Variants in LTBP3 observed in about 807,000 individuals in gnomAD.
The protein encoded by LTBP3 is latent-transforming growth factor beta-binding protein 3.
A neutral mutation model predicts 159.7 loss-of-function variants in LTBP3; 97 were observed. The ratio of observed to expected loss-of-function variants is 0.61; its 90% CI spans 0.52 to 0.72. The LOEUF is 0.72. Ranked by LOEUF, LTBP3 falls within the 30% of genes least tolerant of loss-of-function variation. LTBP3 has a pLI of 0.00. For synonymous variants in LTBP3, 824 were observed against 777.1 expected (o/e 1.06, Z -1.00); for missense variants, 1,584 against 1,864.3 (o/e 0.85, Z 2.77).
rs777097028 is a variant in LTBP3, at chr11:65,539,548, C to T, written c.3628G>A (p.Asp1210Asn). 1.2e-6 allele frequency: 2 copies of T among 1,612,354 alleles called. No individual in the cohort carries two copies. The highest frequency in any genetic ancestry group is 3.3e-5 in the Admixed American group (2 of 59,914). The change falls in exon 26 of 28, where the codon GAT becomes AAT. Residue 1210 changes from aspartate to asparagine, a missense_variant and splice_region_variant. Asp to Asn is a conservative substitution (Grantham distance 23). Around this residue, in one of 6 missense-constraint regions of LTBP3, gnomAD observed 514 missense variants for 530.3 expected, o/e 0.97. Transcript: ENST00000301873. ...SPLLLGKPPR[D>N]EDSSEEDSDE... is the part of the protein sequence containing the mutation. ...CACCGCCCGACCCGGCAGCACTCAC[C>T]TCTTGGGGGCTTCCCCAACAGCAGG...
intron 11 of LTBP3, among the ~76,000 whole-genome samples, chr11:65,549,567 C>CTTTTTTTTTTTTTTTTTTTTTT (rs748132211): frequency 1.1e-4 from 7 of 64,744 alleles, no homozygotes; most frequent in Non-Finnish European, 1.6e-4. Flanking sequence ...CCCAGCTAAT[C>CTTTTTTTTTTTTTTTTTTTTTT]TTTTTTTTTT....
chr11:65,539,246 G>A lies in LTBP3; in HGVS notation c.3761-15C>T, dbSNP rs376049741. 995 of 1,524,632 alleles carry A rather than the reference G, an allele frequency of 6.5e-4. 5 individuals carry two copies. In the African/African-American group the frequency reaches 0.012, roughly 19 times the overall value. The allele number at this position is 1,524,632 out of a possible 1,614,324, so 94.4% of individuals were successfully genotyped here. A position where few individuals can be genotyped will look rare whatever the true frequency, so the allele number is the denominator to read the frequency against. ...CTCGTCGATATCTGAAGGTGAGGGC[G>A]ACAGGTGCGGCTTCGCTGAGCCTCC... On this transcript the variant is annotated splice_polypyrimidine_tract_variant and intron_variant, in intron 27 of 27. Coordinates refer to ENST00000301873, the MANE Select transcript of LTBP3 (RefSeq NM_001130144.3).
chr11:65,546,703 C>T lies in LTBP3; in HGVS notation c.2230+95G>A. ...CCCGGAAGGCCCCGCCCCCAGACGC[C>T]AATCACCACCGCTACCCCGCCCCGC... On this transcript the variant is annotated intron_variant, in intron 15 of 27. Coordinates refer to ENST00000301873, the MANE Select transcript of LTBP3 (RefSeq NM_001130144.3). This position sits in a 1 kb window ranked among gnomAD's most constrained non-coding sequence, Gnocchi z 4.0. 1 of 1,528,932 alleles carries T rather than the reference C, an allele frequency of 6.5e-7. No individual in the cohort carries two copies. The highest frequency in any genetic ancestry group is 8.8e-7 in the Non-Finnish European group (1 of 1,138,866). The allele number at this position is 1,528,932 out of a possible 1,614,324, so 94.7% of individuals were successfully genotyped here.
At chr11:65,548,257 G>A (rs891455813) in intron 11 of LTBP3, 75 of 689,086 alleles carry the variant, frequency 1.1e-4, no homozygotes, top group South Asian at 9.2e-4. Flanking sequence ...CCTGACAGCC[G>A]TATCACCCCA....
In LTBP3 at chr11:65,539,454, C is replaced by T; in HGVS notation, c.3634G>A (p.Asp1212Asn). 3 of 1,565,628 alleles carry T rather than the reference C, an allele frequency of 1.9e-6. No homozygotes were observed. Among genetic ancestry groups the T allele is most frequent in the Non-Finnish European group, 1.7e-6 (2 of 1,155,082 alleles). Residue 1212 changes from aspartate (D) to asparagine (N), a missense_variant, in exon 27 of 28, where the codon GAC (aspartate) becomes AAC (asparagine). By Grantham distance (23) the Asp-to-Asn change is conservative. Around this residue, in one of 6 missense-constraint regions of LTBP3, gnomAD observed 514 missense variants for 530.3 expected, o/e 0.97. Transcript: ENST00000301873. ...TCGTCTGAATCCTCCTCTGAACTGTCCTCATCTGCGTGGCCCGGAACAATA... is the reference window on the plus strand; with the variant it reads ...TCGTCTGAATCCTCCTCTGAACTGTTCTCATCTGCGTGGCCCGGAACAATA... ...LLLGKPPRDEDSSEEDSDECR... is the reference protein window; with the variant it reads ...LLLGKPPRDENSSEEDSDECR...
rs1192591208 is a variant in LTBP3 at position 65,557,985 on chromosome 11, G to A, written c.-26C>T. On this transcript the variant is annotated 5_prime_UTR_variant, in exon 1 of 28. Coordinates refer to ENST00000301873, the MANE Select transcript of LTBP3 (RefSeq NM_001130144.3). Reference sequence around the variant, plus strand: ...CCGGGGCCGCAGGACCCGGGGGAGGGGGGGCGCGCCCGGGCGGGGCGAGGG... The same window carrying A: ...CCGGGGCCGCAGGACCCGGGGGAGGAGGGGCGCGCCCGGGCGGGGCGAGGG... The A allele has an allele frequency of 7.9e-5, 89 of 1,126,192 alleles. No homozygotes were observed. Among genetic ancestry groups the A allele is most frequent in the Admixed American group, 2.5e-4 (5 of 19,994 alleles). The allele number at this position is 1,126,192 out of a possible 1,614,324, so 69.8% of individuals were successfully genotyped here.
In LTBP3 at chr11:65,543,141, G is replaced by C. The variant is rs1856227782; in HGVS notation, c.2560C>G (p.Gln854Glu). 1 of 1,614,110 alleles carries C rather than the reference G, an allele frequency of 6.2e-7. No homozygotes were observed. Among genetic ancestry groups the C allele is most frequent in the African/African-American group, 1.3e-5 (1 of 75,024 alleles). ...CTGCCACCCACCAGCCGATGCCCCT[G>C]GGGGCAAAGACATCTGTAGGAGCCA... Reference protein sequence around the residue: ...TNGSYRCLCPQGHRLVGGRKC... With the variant: ...TNGSYRCLCPEGHRLVGGRKC... The change falls in exon 18 of 28, where the codon CAG becomes GAG. Residue 854 changes from glutamine to glutamate, a missense_variant. This residue lies in a region of LTBP3 where 565 missense variants were observed against 677.7 expected (regional missense o/e 0.83). Transcript: ENST00000301873.
chr11:65,542,976 A>ATAGATG (rs1565091712), intron 18 of LTBP3, 129 bp downstream of exon 18: 3 of 943,842 alleles, frequency 3.2e-6, no homozygotes, highest in East Asian at 5.9e-5. Context: ...ATGGATGGAT[A>ATAGATG]GATGGATGGA....
Position 65,539,316 on chromosome 11 carries a change from A to G in LTBP3, c.3760+12T>C, listed in dbSNP as rs1040585946. On this transcript the variant is annotated intron_variant, in intron 27 of 27. Transcript: ENST00000301873. ...GCCCCGCCCCTGCCCCCACCCCCGA[A>G]GCCCGGCTCACCCACGCAGCGGGCG... The G allele has an allele frequency of 6.6e-6, 10 of 1,510,366 alleles. No individual in the cohort carries two copies. Among genetic ancestry groups the G allele is most frequent in the Non-Finnish European group, 8.9e-6 (10 of 1,125,878 alleles). The allele number at this position is 1,510,366 out of a possible 1,614,324, so 93.6% of individuals were successfully genotyped here. A position where few individuals can be genotyped will look rare whatever the true frequency, so the allele number is the denominator to read the frequency against.
chr11:65,542,936 G>T, intron 18 of LTBP3, 169 bp downstream of exon 18: 1 of 698,786 alleles, frequency 1.4e-6, no homozygotes, highest in Non-Finnish European at 2.4e-6. Flanking sequence ...ATAGAAGGAT[G>T]GATGGATGGA....
chr11:65,551,566 T>G lies in LTBP3; in HGVS notation c.1532-2A>C. 6.2e-7 allele frequency: 1 copy of G among 1,613,788 alleles called. No individual in the cohort carries two copies. The highest frequency in any genetic ancestry group is 8.5e-7 in the Non-Finnish European group (1 of 1,179,942). On this transcript the variant is annotated splice_acceptor_variant, in intron 8 of 27. Coordinates refer to ENST00000301873, the MANE Select transcript of LTBP3 (RefSeq NM_001130144.3). LOFTEE classifies it high-confidence loss of function. ...TACTCACTGAGTCCGTGGTCACCCCTAAAAGGGAAGAAGATGGGGCCATGA... is the reference window on the plus strand; with the variant it reads ...TACTCACTGAGTCCGTGGTCACCCCGAAAAGGGAAGAAGATGGGGCCATGA...
rs746042626 is a variant in LTBP3 at position 65,541,665 on chromosome 11, T to C, written c.2660A>G (p.Gln887Arg). The C allele has an allele frequency of 3.7e-6, 6 of 1,613,990 alleles. No homozygotes were observed. Among genetic ancestry groups the C allele is most frequent in the Non-Finnish European group, 5.1e-6 (6 of 1,179,988 alleles). Residue 887 changes from glutamine to arginine, a missense_variant, in exon 19 of 28, where the codon CAG becomes CGG. Coordinates refer to ENST00000301873, the MANE Select transcript of LTBP3 (RefSeq NM_001130144.3). ...CLPHGACKNLQGSYVCVCDEG... is the reference protein window; with the variant it reads ...CLPHGACKNLRGSYVCVCDEG... ...ATCGCAGACACACACATAGGAGCCC[T>C]GAAGGTTCTTGCAGGCCCCATGGGG...
chr11:65,554,259 G>T lies in LTBP3; in HGVS notation c.453C>A (p.Thr151=), dbSNP rs757279409. 5 of 1,609,908 alleles carry T rather than the reference G, an allele frequency of 3.1e-6. No homozygotes were observed. The highest frequency in any genetic ancestry group is 4.2e-6 in the Non-Finnish European group (5 of 1,178,994). The change falls in exon 2 of 28, where the codon ACC becomes ACA. Residue 151 remains threonine (T), a synonymous_variant. Coordinates refer to ENST00000301873, the MANE Select transcript of LTBP3 (RefSeq NM_001130144.3). The surrounding 1 kb of genome is among the most constrained non-coding windows in gnomAD (Gnocchi z 5.3). ...QVPAGGAGGG[T]GGSGPGLSRT... ...TGCTCAGGCCGGGGCCTGAGCCGCCGGTACCCCCACCGGCTCCTCCTGCGG... is the reference window on the plus strand; with the variant it reads ...TGCTCAGGCCGGGGCCTGAGCCGCCTGTACCCCCACCGGCTCCTCCTGCGG...
chr11:65,542,861 A>G (rs753155665), intron 18 of LTBP3: 13 of 534,920 alleles, frequency 2.4e-5, no homozygotes, highest in Admixed American at 1.1e-4. Context: ...ATTCTAGGTG[A>G]AAGACTGGAA....
At chr11:65,550,710 G>C (rs1034266810) in intron 11 of LTBP3, among the ~76,000 whole-genome samples, 6 of 151,856 alleles carry the variant, frequency 4.0e-5, no homozygotes, top group Non-Finnish European at 8.8e-5. Flanking sequence ...TGTAATCCCA[G>C]CTACTCGGGA....
Position 65,540,931 on chromosome 11 carries a change from C to G in LTBP3, c.2917G>C (p.Asp973His), listed in dbSNP as rs1590761215. Residue 973 changes from aspartate to histidine, a missense_variant, in exon 21 of 28, where the codon GAC becomes CAC. Around this residue, in one of 6 missense-constraint regions of LTBP3, gnomAD observed 514 missense variants for 530.3 expected, o/e 0.97. Transcript: ENST00000301873. Reference protein sequence around the residue: ...SSAEFHSLCPDGKGYTQDNNI... With the variant: ...SSAEFHSLCPHGKGYTQDNNI... ...TTGTCCTGGGTGTAGCCCTTTCCGT[C>G]TGGGCAGAGGCTGTGGAACTCGGCT... 1 of 1,613,612 alleles carries G rather than the reference C, an allele frequency of 6.2e-7. No homozygotes were observed. The highest frequency in any genetic ancestry group is 8.5e-7 in the Non-Finnish European group (1 of 1,179,816).
In LTBP3 at chr11:65,547,457, G is replaced by A; in HGVS notation, c.2089C>T (p.Arg697Trp). 6.2e-7 allele frequency: 1 copy of A among 1,613,998 alleles called. No individual in the cohort carries two copies. The highest frequency in any genetic ancestry group is 8.5e-7 in the Non-Finnish European group (1 of 1,180,000). ...CYPGYRLKASRPPVCEDIDEC... is the reference protein window; with the variant it reads ...CYPGYRLKASWPPVCEDIDEC... ...CCCTCACCTTCGCACACAGGAGGCC[G>A]GGAGGCTTTGAGCCGGTAGCCGGGG... Residue 697 changes from arginine to tryptophan, a missense_variant, in exon 14 of 28, where the codon CGG becomes TGG. Coordinates refer to ENST00000301873, the MANE Select transcript of LTBP3 (RefSeq NM_001130144.3). The surrounding 1 kb of genome is among the most constrained non-coding windows in gnomAD (Gnocchi z 4.6).
Position 65,546,726 on chromosome 11 carries a change from C to T in LTBP3, c.2230+72G>A, listed in dbSNP as rs1590771385. The T allele has an allele frequency of 1.3e-6, 2 of 1,520,490 alleles. No individual in the cohort carries two copies. Among genetic ancestry groups the T allele is most frequent in the East Asian group, 4.7e-5 (2 of 42,410 alleles). The allele number at this position is 1,520,490 out of a possible 1,614,324, so 94.2% of individuals were successfully genotyped here. On this transcript the variant is annotated intron_variant, in intron 15 of 27. Transcript: ENST00000301873. This position sits in a 1 kb window ranked among gnomAD's most constrained non-coding sequence, Gnocchi z 4.0. ...GCCAATCACCACCGCTACCCCGCCC[C>T]GCCCCCAGCGGAGCCAGACTGGGGG... is the stretch of plus-strand genomic sequence containing the variant.
chr11:65,550,466 G>GAC (rs1344548821), intron 11 of LTBP3, among the ~76,000 whole-genome samples: 1 of 151,836 alleles, frequency 6.6e-6, no homozygotes, highest in Non-Finnish European at 1.5e-5. Flanking sequence ...GTAGAAGGAA[G>GAC]GAGTTCTGAG....
Sources: gnomAD v4.1 joint callset for allele counts (sites outside exome capture counted in the v4.1 genomes callset) on GRCh38, gnomAD v4.1.1 for gene constraint, gnomAD v4.1.1 regional missense constraint, Gnocchi (gnomAD v3.1) non-coding constraint, MANE v1.5 for transcripts, NCBI Gene and HGNC (gene_info 2026-07-23, HGNC 2026-07-21) for gene names.